The following MBIP variants were observed in gnomAD, a reference collection of about 807,000 sequenced individuals.
The protein encoded by MBIP is MAP3K12 binding inhibitory protein 1, also known as MAP3K12-binding inhibitory protein 1.
A neutral mutation model predicts 45.7 loss-of-function variants in MBIP; 32 were observed. The ratio of observed to expected loss-of-function variants is 0.70; its 90% confidence interval spans 0.53 to 0.94. The LOEUF is 0.94. MBIP is among the 40% of genes least tolerant of loss of function. The pLI is 0.00. For missense variants in MBIP, 381 were observed against 405.5 expected (o/e 0.94, Z 0.52); for synonymous variants, 145 against 141.0 (o/e 1.03, Z -0.20).
chr14:36,314,668 C>T, intron 3 of MBIP, 23 bp downstream of exon 3: 2 of 1,608,846 alleles, frequency 1.2e-6, no homozygotes, highest in Non-Finnish European at 1.7e-6. Flanking sequence ...TACCCTCTCG[C>T]CCCCGCCAAA....
intron 6 of MBIP, 95 bp downstream of exon 6, chr14:36,311,478 T>C: frequency 1.7e-6 from 2 of 1,152,180 alleles, no homozygotes; most frequent in Non-Finnish European, 2.5e-6. Context: ...CAAGAAATGT[T>C]AGGAGCTAAA....
intron 8 of MBIP, 139 bp downstream of exon 8, chr14:36,300,646 T>A: frequency 1.8e-6 from 1 of 562,916 alleles, no homozygotes; most frequent in Non-Finnish European, 3.1e-6. Flanking sequence ...CTGTATTAGT[T>A]TATACTGCCC....
intron 7 of MBIP, among the ~76,000 whole-genome samples, chr14:36,307,416 A>C (rs1034698222): frequency 1.3e-5 from 2 of 152,144 alleles, no homozygotes; most frequent in African/African-American, 4.8e-5. Context: ...TAAAAAAAAA[A>C]CAAAACTTAG....
chr14:36,304,789 C>A (rs1048620213), intron 7 of MBIP, among the ~76,000 whole-genome samples: 1 of 152,108 alleles, frequency 6.6e-6, no homozygotes, highest in African/African-American at 2.4e-5. Flanking sequence ...CAAATGACAT[C>A]TTTTTTCCCC....
chr14:36,308,347 G>GT (rs1880005074), intron 6 of MBIP, among the ~76,000 whole-genome samples, 158 bp from the exon 7 acceptor site: 1 of 152,134 alleles, frequency 6.6e-6, no homozygotes. Context: ...TCCTTAGGTC[G>GT]TATTTTTGTA....
At chr14:36,300,740 T>A in intron 8 of MBIP, 45 bp downstream of exon 8, 1 of 1,414,408 alleles carries the variant, frequency 7.1e-7, no homozygotes. Flanking sequence ...GGTATAAAAC[T>A]AATCAAACTA....
chr14:36,311,474 A>G, intron 6 of MBIP, 99 bp downstream of exon 6: 1 of 1,105,838 alleles, frequency 9.0e-7, no homozygotes, highest in Non-Finnish European at 1.3e-6. Context: ...TGTTCAAGAA[A>G]TGTTAGGAGC....
At chr14:36,314,995 C>A (rs1880481809) in intron 2 of MBIP, 80 bp from the exon 3 acceptor site, 1 of 849,972 alleles carries the variant, frequency 1.2e-6, no homozygotes, top group Non-Finnish European at 1.9e-6. Flanking sequence ...ACATAAATTT[C>A]TGCTAAGTAA....
intron 6 of MBIP, among the ~76,000 whole-genome samples, chr14:36,309,922 C>A (rs1345439729): frequency 6.6e-6 from 1 of 152,132 alleles, no homozygotes; most frequent in Non-Finnish European, 1.5e-5. Context: ...AGGCACACAC[C>A]ACTACACCCA....
chr14:36,310,621 T>C (rs1880143138), intron 6 of MBIP, among the ~76,000 whole-genome samples: 1 of 152,200 alleles, frequency 6.6e-6, no homozygotes, highest in African/African-American at 2.4e-5. Context: ...TCACGGACTA[T>C]CTAGCAGGAG....
intron 7 of MBIP, among the ~76,000 whole-genome samples, chr14:36,304,789 CT>C (rs1477153488): frequency 6.6e-6 from 1 of 152,108 alleles, no homozygotes; most frequent in Non-Finnish European, 1.5e-5. Context: ...CAAATGACAT[CT>C]TTTTTCCCCA....
chr14:36,309,262 CCTT>C (rs1006583876), intron 6 of MBIP, among the ~76,000 whole-genome samples: 6 of 152,182 alleles, frequency 3.9e-5, no homozygotes, highest in Non-Finnish European at 8.8e-5. Context: ...CCCTTATCCT[CCTT>C]ACCTTAATTT....
chr14:36,316,818 A>C lies in MBIP; in HGVS notation c.130-6T>G. ...ACATCATCTCTGAGGTCAAGCTTCA[A>C]AGGGGCAAACCAGCAACATCACAAA... is the stretch of plus-strand genomic sequence containing the variant. On this transcript the variant is annotated splice_polypyrimidine_tract_variant and splice_region_variant and intron_variant, in intron 1 of 8. Coordinates refer to ENST00000416007, the MANE Select transcript of MBIP (RefSeq NM_016586.3). The C allele has an allele frequency of 6.2e-7, 1 of 1,602,678 alleles. No individual in the cohort carries two copies. The highest frequency in any genetic ancestry group is 8.5e-7 in the Non-Finnish European group (1 of 1,176,042).
intron 7 of MBIP, chr14:36,305,033 T>C (rs1283556797): frequency 6.6e-6 from 1 of 152,244 alleles, no homozygotes; most frequent in Non-Finnish European, 1.5e-5. Context: ...CTGTGCTACA[T>C]ATGTAGTTTC....
At chr14:36,308,384 A>C (rs1173780178) in intron 6 of MBIP, among the ~76,000 whole-genome samples, 195 bp from the exon 7 acceptor site, 1 of 152,210 alleles carries the variant, frequency 6.6e-6, no homozygotes, top group Non-Finnish European at 1.5e-5. Flanking sequence ...ATATTGTACT[A>C]CACTTCCTCT....
chr14:36,320,436 C>G (rs200502324), intron 1 of MBIP, 24 bp downstream of exon 1: 45 of 1,613,728 alleles, frequency 2.8e-5, no homozygotes, highest in Middle Eastern at 1.6e-4. Context: ...TTCCATATTC[C>G]CAGTCCCTCA....
rs377221159 is a variant in MBIP, at chr14:36,302,491, TA to T, written c.889-1669del. ...TGGGCGACAGAGCAAGACACCATCT[TA>T]AAAAAAAAAAAAAAAAAAAAAAAAA... On this transcript the variant is annotated intron_variant, in intron 7 of 8. Coordinates refer to ENST00000416007, the MANE Select transcript of MBIP (RefSeq NM_016586.3). 1.1e-3 allele frequency among the ~76,000 whole-genome samples: 110 copies of T among 100,514 alleles called. 1 individual carries two copies. Among genetic ancestry groups the T allele is most frequent in the East Asian group, 3.9e-3 (13 of 3,294 alleles). The allele number at this position is 100,514 out of a possible 152,430, so 65.9% of individuals were successfully genotyped here.
chr14:36,304,478 C>T (rs1366604146), intron 7 of MBIP, among the ~76,000 whole-genome samples: 1 of 152,176 alleles, frequency 6.6e-6, no homozygotes, highest in Admixed American at 6.5e-5. Flanking sequence ...CATGTTGGTA[C>T]TTACTGTTTT....
At chr14:36,299,312 C>A in intron 8 of MBIP, 122 bp from the exon 9 acceptor site, 1 of 656,884 alleles carries the variant, frequency 1.5e-6, no homozygotes, top group African/African-American at 1.8e-5. Context: ...GTTTTTTTCC[C>A]TCATGAGAAT....
Sources: allele counts gnomAD v4.1 joint callset (sites outside exome capture counted in the v4.1 genomes callset), GRCh38; gene constraint gnomAD v4.1.1; transcripts MANE v1.5; gene names NCBI Gene and HGNC (gene_info 2026-07-23, HGNC 2026-07-21).